BORCS5: variants seen among roughly 807,000 people sequenced by gnomAD.
The protein encoded by BORCS5 is BLOC-1-related complex subunit 5.
In BORCS5, 17 loss-of-function variants were observed where a neutral mutation model predicts 22.1. The observed-to-expected ratio is 0.77, with a 90% CI of 0.53 to 1.15. The LOEUF (loss-of-function observed/expected upper bound fraction) is 1.15. Ranked by LOEUF, BORCS5 falls within the 50% of genes most tolerant of loss-of-function variation. BORCS5 has a pLI of 0.00. For synonymous variants in BORCS5, 117 were observed against 99.8 expected, an observed-to-expected ratio of 1.17 and a Z score of -1.03; for missense variants, 247 against 253.2, an observed-to-expected ratio of 0.98 and a Z score of 0.17.
In BORCS5 at chr12:12,469,649, G is replaced by A. The variant is rs557891321; in HGVS notation, c.*3873G>A. On this transcript the variant is annotated 3_prime_UTR_variant, in exon 4 of 4. Coordinates refer to ENST00000314565, the MANE Select transcript of BORCS5 (RefSeq NM_058169.6). ...AATTCCCAAGGCAAAACCAGGAATT[G>A]TCAGAGACGTGACCAGACATGTATT... 1.3e-5 allele frequency: 2 copies of A among 152,240 alleles called. No individual in the cohort carries two copies. Among genetic ancestry groups the A allele is most frequent in the Non-Finnish European group, 2.9e-5 (2 of 68,048 alleles). The allele number at this position is 152,240 out of a possible 1,614,324, so 9.4% of individuals were successfully genotyped here.
Position 12,357,376 on chromosome 12 carries a change from C to T in BORCS5, c.-76C>T. ...TTTGCCTCCCCGTCCCGGTCCCTGG[C>T]CCCTGCCCTGTCGCCCGCCGCCGGA... On this transcript the variant is annotated 5_prime_UTR_variant, in exon 1 of 4. Coordinates refer to ENST00000314565, the MANE Select transcript of BORCS5 (RefSeq NM_058169.6). 4 of 1,558,542 alleles carry T rather than the reference C, an allele frequency of 2.6e-6. No individual in the cohort carries two copies. The highest frequency in any genetic ancestry group is 3.5e-6 in the Non-Finnish European group (4 of 1,148,228).
intron 3 of BORCS5, among the ~76,000 whole-genome samples, chr12:12,451,743 CT>C (rs34796703): frequency 6.6e-6 from 1 of 151,186 alleles, no homozygotes; most frequent in East Asian, 2.0e-4. Flanking sequence ...ACTAAAAGTA[CT>C]TTTTTTGTAC....
intron 2 of BORCS5, among the ~76,000 whole-genome samples, chr12:12,398,654 G>C (rs1424658084): frequency 6.6e-6 from 1 of 152,108 alleles, no homozygotes; most frequent in African/African-American, 2.4e-5. Flanking sequence ...CTGGAATACA[G>C]TGCTATCAAA....
chr12:12,365,751 A>C (rs756078189), intron 2 of BORCS5, among the ~76,000 whole-genome samples: 1 of 152,208 alleles, frequency 6.6e-6, no homozygotes. Context: ...ATGCTTCTAC[A>C]TAATAGCTAT....
rs1450654442 is a variant in BORCS5 at position 12,468,729 on chromosome 12, G to C, written c.*2953G>C. On this transcript the variant is annotated 3_prime_UTR_variant, in exon 4 of 4. Transcript: ENST00000314565. ...CATTGGCTGCTTCTTTCTAGAGCCT[G>C]TTTTGCTTATCTTGCAATCTGTTCA... The C allele has an allele frequency of 6.6e-6, 1 of 152,138 alleles. No homozygotes were observed. Among genetic ancestry groups the C allele is most frequent in the Non-Finnish European group, 1.5e-5 (1 of 68,034 alleles). The allele number at this position is 152,138 out of a possible 1,614,324, so 9.4% of individuals were successfully genotyped here. A position where few individuals can be genotyped will look rare whatever the true frequency, so the allele number is the denominator to read the frequency against.
intron 2 of BORCS5, among the ~76,000 whole-genome samples, chr12:12,397,960 A>T (rs1941390197): frequency 6.6e-6 from 1 of 152,128 alleles, no homozygotes; most frequent in Non-Finnish European, 1.5e-5. Context: ...GAGCTTTTTC[A>T]GGGAGGTTAA....
intron 2 of BORCS5, among the ~76,000 whole-genome samples, chr12:12,406,393 T>C (rs1941595665): frequency 1.3e-5 from 2 of 152,216 alleles, no homozygotes; most frequent in African/African-American, 2.4e-5. Context: ...TACTACTAAA[T>C]GAGAACTTTC....
At chr12:12,452,208 G>A in intron 3 of BORCS5, 1 of 626,528 alleles carries the variant, frequency 1.6e-6, no homozygotes, top group Non-Finnish European at 3.0e-6. Context: ...TACAGGTTCA[G>A]CACAGGCTGA....
intron 3 of BORCS5, among the ~76,000 whole-genome samples, chr12:12,457,240 G>A (rs60363317): frequency 0.18 from 27,662 of 152,200 alleles, 4,123 homozygotes; most frequent in African/African-American, 0.41. Context: ...CAGAGCAGCT[G>A]AGGGTCAGCA....
At chr12:12,453,176 A>T (rs932127493) in intron 3 of BORCS5, among the ~76,000 whole-genome samples, 1 of 152,230 alleles carries the variant, frequency 6.6e-6, no homozygotes, top group African/African-American at 2.4e-5. Context: ...TCATTTCACT[A>T]TGTATATGTA....
rs1264566426 is a variant in BORCS5 at position 12,414,698 on chromosome 12, C to G, written c.203-20930C>G. On this transcript the variant is annotated intron_variant, in intron 2 of 3. Coordinates refer to ENST00000314565, the MANE Select transcript of BORCS5 (RefSeq NM_058169.6). Reference sequence around the variant, plus strand: ...GGCCGGGCGGGGGGCTGACCCCCCCCACCTCCCTCCCGGATGGGGTGGCTG... The same window carrying G: ...GGCCGGGCGGGGGGCTGACCCCCCCGACCTCCCTCCCGGATGGGGTGGCTG... Among the ~76,000 whole-genome samples the G allele has an allele frequency of 4.7e-5, 6 of 127,658 alleles. 2 individuals are homozygous for G. Among genetic ancestry groups the G allele is most frequent in the Non-Finnish European group, 8.5e-5 (5 of 58,634 alleles). 83.7% of individuals were successfully genotyped at this position (127,658 alleles called of 152,430 possible). A position where few individuals can be genotyped will look rare whatever the true frequency, so the allele number is the denominator to read the frequency against.
intron 2 of BORCS5, among the ~76,000 whole-genome samples, chr12:12,427,145 G>T (rs1471845796): frequency 6.7e-6 from 1 of 149,354 alleles, no homozygotes; most frequent in South Asian, 2.2e-4. Flanking sequence ...AAGTTGGGAA[G>T]ATGGTTTTAG....
intron 2 of BORCS5, among the ~76,000 whole-genome samples, chr12:12,410,101 AG>A (rs200372194): frequency 0.031 from 4,736 of 151,980 alleles, 246 homozygotes; most frequent in African/African-American, 0.11. Flanking sequence ...AATTTGTTTG[AG>A]TTCATTGTAG....
intron 3 of BORCS5, among the ~76,000 whole-genome samples, chr12:12,452,961 A>G (rs776937290): frequency 8.5e-5 from 13 of 152,206 alleles, no homozygotes; most frequent in Admixed American, 2.6e-4. Context: ...AACGTGCCAT[A>G]TCTTGATTTG....
At chr12:12,429,635 G>A (rs370667975) in intron 2 of BORCS5, among the ~76,000 whole-genome samples, 22 of 152,282 alleles carry the variant, frequency 1.4e-4, no homozygotes, top group African/African-American at 5.3e-4. Flanking sequence ...GAACATCCTA[G>A]TGTGCCTATT....
intron 2 of BORCS5, among the ~76,000 whole-genome samples, chr12:12,384,123 T>G (rs756355889): frequency 4.6e-5 from 7 of 151,962 alleles, no homozygotes; most frequent in Non-Finnish European, 1.0e-4. Context: ...GTTTCTTATT[T>G]TTAAAAATTT....
chr12:12,452,067 C>A lies in BORCS5; in HGVS notation c.361-13479C>A, dbSNP rs1013657925. On this transcript the variant is annotated intron_variant, in intron 3 of 3. Transcript: ENST00000314565. ...TTTGGTAAACTTACGTGACTTTCCC[C>A]CCTGGATTTTACCTGGGAGTAGCCT... The A allele has an allele frequency of 7.5e-5, 33 of 440,612 alleles. No homozygotes were observed. In the Admixed American group the frequency reaches 9.4e-4, roughly 13 times the overall value. 27.3% of individuals were successfully genotyped at this position (440,612 alleles called of 1,614,324 possible). A position where few individuals can be genotyped will look rare whatever the true frequency, so the allele number is the denominator to read the frequency against.
intron 2 of BORCS5, among the ~76,000 whole-genome samples, chr12:12,405,777 A>G (rs1941582596): frequency 6.6e-6 from 1 of 152,260 alleles, no homozygotes; most frequent in Admixed American, 6.5e-5. Context: ...AGCTACATTC[A>G]AGGTATATAG....
intron 1 of BORCS5, among the ~76,000 whole-genome samples, chr12:12,358,208 A>G (rs1863190662): frequency 6.6e-6 from 1 of 152,266 alleles, no homozygotes; most frequent in Non-Finnish European, 1.5e-5. Flanking sequence ...TGTTACCCAC[A>G]CGCTAGGACA....
Sources: allele counts gnomAD v4.1 joint callset (sites outside exome capture counted in the v4.1 genomes callset), GRCh38; gene constraint gnomAD v4.1.1; transcripts MANE v1.5; gene names NCBI Gene and HGNC (gene_info 2026-07-23, HGNC 2026-07-21).